GRID2: variants seen among roughly 807,000 people sequenced by gnomAD.
GRID2 encodes the protein glutamate ionotropic receptor delta type subunit 2.
A neutral mutation model predicts 114.8 loss-of-function variants in GRID2; 33 were observed. That is an observed-to-expected ratio of 0.29 (90% CI 0.22 to 0.38). GRID2 has a LOEUF of 0.38. Ranked by LOEUF, GRID2 falls within the 10% of genes least tolerant of loss-of-function variation. The pLI, the probability that GRID2 is intolerant of heterozygous loss-of-function variation, is 1.00. For synonymous variants in GRID2, 505 were observed against 449.9 expected (o/e 1.12, Z -1.55); for missense variants, 1,184 against 1,257.7 (o/e 0.94, Z 0.89).
At chr4:93,001,772 T>G (rs1721013167) in intron 2 of GRID2, among the ~76,000 whole-genome samples, 1 of 151,750 alleles carries the variant, frequency 6.6e-6, no homozygotes, top group African/African-American at 2.4e-5. Context: ...CAATGAACTA[T>G]TACTAGTCTC....
intron 13 of GRID2, among the ~76,000 whole-genome samples, chr4:93,565,579 A>G (rs1735335092): frequency 6.6e-6 from 1 of 152,224 alleles, no homozygotes; most frequent in Non-Finnish European, 1.5e-5. Context: ...ATGCAAACAT[A>G]ATTTAAGAAC....
chr4:92,454,052 C>T (rs761498214), intron 1 of GRID2, among the ~76,000 whole-genome samples: 4 of 152,100 alleles, frequency 2.6e-5, no homozygotes, highest in Non-Finnish European at 4.4e-5. Context: ...TTTAAATAAA[C>T]AGTACTATGT....
intron 13 of GRID2, among the ~76,000 whole-genome samples, chr4:93,549,669 TC>T (rs1034392608): frequency 2.0e-5 from 3 of 152,194 alleles, no homozygotes; most frequent in Non-Finnish European, 2.9e-5. Context: ...AGTATTTTAT[TC>T]CTTCCAAGGC....
intron 14 of GRID2, among the ~76,000 whole-genome samples, chr4:93,678,400 A>G (rs574959559): frequency 2.0e-5 from 3 of 152,266 alleles, no homozygotes; most frequent in African/African-American, 7.2e-5. Flanking sequence ...AGGCAGGCCA[A>G]CATTCAGATT....
At chr4:92,765,553 T>C (rs967423467) in intron 2 of GRID2, among the ~76,000 whole-genome samples, 2 of 152,002 alleles carry the variant, frequency 1.3e-5, no homozygotes, top group Non-Finnish European at 2.9e-5. Flanking sequence ...AGATAGTTGA[T>C]AGCTTCTCAC....
chr4:92,902,249 C>A (rs1225275265), intron 2 of GRID2, among the ~76,000 whole-genome samples: 1 of 151,988 alleles, frequency 6.6e-6, no homozygotes, highest in Non-Finnish European at 1.5e-5. Flanking sequence ...TCATAGTAGT[C>A]TCTGAGGATT....
intron 14 of GRID2, among the ~76,000 whole-genome samples, chr4:93,712,421 A>G (rs1728563822): frequency 6.6e-6 from 1 of 152,212 alleles, no homozygotes; most frequent in Non-Finnish European, 1.5e-5. Context: ...TGTAATTTGC[A>G]GAAAGAATGT....
chr4:93,482,271 G>A (rs1725948598), intron 11 of GRID2, among the ~76,000 whole-genome samples: 1 of 151,926 alleles, frequency 6.6e-6, no homozygotes, highest in Non-Finnish European at 1.5e-5. Flanking sequence ...CAATAGCAAA[G>A]ACTTGAAACC....
At chr4:93,549,589 A>G (rs921874168) in intron 13 of GRID2, among the ~76,000 whole-genome samples, 4 of 152,300 alleles carry the variant, frequency 2.6e-5, no homozygotes, top group Admixed American at 1.3e-4. Context: ...TAAGTGTCCA[A>G]TGCCCAGTGG....
intron 8 of GRID2, among the ~76,000 whole-genome samples, chr4:93,370,404 C>T (rs894059611): frequency 6.7e-6 from 1 of 148,840 alleles, no homozygotes; most frequent in Admixed American, 6.7e-5. Context: ...CACACAAACA[C>T]ACACACACAA....
chr4:92,450,528 C>G (rs565101834), intron 1 of GRID2, among the ~76,000 whole-genome samples: 1 of 152,058 alleles, frequency 6.6e-6, no homozygotes, highest in Non-Finnish European at 1.5e-5. Flanking sequence ...TTGTATTCTC[C>G]TGTTCTTTGT....
intron 12 of GRID2, among the ~76,000 whole-genome samples, chr4:93,498,803 C>T (rs1462498993): frequency 6.6e-6 from 1 of 151,772 alleles, no homozygotes; most frequent in African/African-American, 2.4e-5. Context: ...ATAGAATTTA[C>T]AATACTATGT....
chr4:93,695,754 A>T (rs895003496), intron 14 of GRID2, among the ~76,000 whole-genome samples: 1 of 152,242 alleles, frequency 6.6e-6, no homozygotes, highest in African/African-American at 2.4e-5. Flanking sequence ...AAGAGTGTCC[A>T]CTATGCCATT....
At chr4:92,378,079 A>G (rs1423138165) in intron 1 of GRID2, among the ~76,000 whole-genome samples, 1 of 151,996 alleles carries the variant, frequency 6.6e-6, no homozygotes, top group Non-Finnish European at 1.5e-5. Flanking sequence ...GAGCTGAAAG[A>G]GGCTGTAGAG....
intron 2 of GRID2, among the ~76,000 whole-genome samples, chr4:92,895,223 A>T (rs1271148657): frequency 6.6e-6 from 1 of 151,642 alleles, no homozygotes; most frequent in Non-Finnish European, 1.5e-5. Context: ...AATGTAAGAC[A>T]AGTTTTGAAG....
intron 2 of GRID2, among the ~76,000 whole-genome samples, chr4:92,948,243 C>A (rs755551489): frequency 1.3e-5 from 2 of 151,680 alleles, no homozygotes; most frequent in Non-Finnish European, 2.9e-5. Flanking sequence ...TAGTTTTAAT[C>A]GGCATTTTTG....
At chr4:93,265,088 A>T (rs1309848153) in intron 8 of GRID2, among the ~76,000 whole-genome samples, 1 of 151,972 alleles carries the variant, frequency 6.6e-6, no homozygotes, top group Non-Finnish European at 1.5e-5. Flanking sequence ...GCCTAATGTT[A>T]TAATTTTTTT....
At chr4:92,484,276 C>T (rs1024150131) in intron 1 of GRID2, among the ~76,000 whole-genome samples, 1 of 152,192 alleles carries the variant, frequency 6.6e-6, no homozygotes, top group African/African-American at 2.4e-5. Context: ...AGGCAAGGCA[C>T]CAAGATGCCT....
chr4:92,766,232 C>G (rs1244568999), intron 2 of GRID2, among the ~76,000 whole-genome samples: 1 of 152,102 alleles, frequency 6.6e-6, no homozygotes, highest in Non-Finnish European at 1.5e-5. Context: ...GGTAGTCAGC[C>G]TCTTGTAGAT....
Sources: allele counts gnomAD v4.1 joint callset (sites outside exome capture counted in the v4.1 genomes callset), GRCh38; gene constraint gnomAD v4.1.1; transcripts MANE v1.5; gene names NCBI Gene and HGNC (gene_info 2026-07-23, HGNC 2026-07-21).